The following ARPP21 variants were observed in gnomAD, a reference collection of about 807,000 sequenced individuals.
ARPP21 encodes cAMP-regulated phosphoprotein 21.
Under a neutral mutation model 113.2 loss-of-function variants are expected in ARPP21, and 69 were observed. The ratio of observed to expected loss-of-function variants is 0.61; its 90% CI spans 0.50 to 0.74. The LOEUF is 0.74. ARPP21 is among the 30% of genes least tolerant of loss of function. The probability of loss-of-function intolerance (pLI) is 0.00; values close to 1 mark genes in which losing one functional copy is unlikely to be tolerated. For synonymous variants in ARPP21, 368 were observed against 375.5 expected (o/e 0.98, Z 0.23); for missense variants, 1,070 against 1,037.4 (o/e 1.03, Z -0.43).
intron 1 of ARPP21, among the ~76,000 whole-genome samples, chr3:35,675,129 C>A (rs887455868): frequency 2.0e-5 from 3 of 147,522 alleles, no homozygotes; most frequent in African/African-American, 5.3e-5. Flanking sequence ...CTTTGCAGCT[C>A]TGTGGTTTTC....
rs1219879254 is a variant in ARPP21 at position 35,738,266 on chromosome 3, C to G, written c.1697C>G (p.Ser566Cys). 8 of 1,536,102 alleles carry G rather than the reference C, an allele frequency of 5.2e-6. 1 individual carries two copies. The Admixed American group carries it at 1.2e-4, about 23-fold the overall frequency. The change falls in exon 17 of 21, where the codon TCT becomes TGT. Residue 566 changes from serine (S) to cysteine (C), a missense_variant. Coordinates refer to ENST00000684406, the MANE Select transcript of ARPP21 (RefSeq NM_001385562.1). ...SSQSVQYPAV[S>C]FPPQHLLPVS... ...CAGTCAGTGCAATATCCAGCAGTCT[C>G]TTTTCCTCCCCAGCACCTCCTACCT...
At chr3:35,714,489 A>G (rs1448291451) in intron 11 of ARPP21, among the ~76,000 whole-genome samples, 1 of 152,196 alleles carries the variant, frequency 6.6e-6, no homozygotes, top group East Asian at 1.9e-4. Context: ...TTATTCCTGT[A>G]ACAAGTCATT....
intron 13 of ARPP21, among the ~76,000 whole-genome samples, chr3:35,719,319 C>T (rs1266901105): frequency 6.6e-6 from 1 of 152,132 alleles, no homozygotes; most frequent in Non-Finnish European, 1.5e-5. Flanking sequence ...ATTTTTGAAT[C>T]TCATTAATGC....
chr3:35,650,049 T>C (rs1701798069), intron 1 of ARPP21: 1 of 152,130 alleles, frequency 6.6e-6, no homozygotes, highest in African/African-American at 2.4e-5. Context: ...CAAAACCTTA[T>C]ACCTTAACTT....
intron 1 of ARPP21, among the ~76,000 whole-genome samples, chr3:35,644,588 C>T (rs912686990): frequency 6.6e-6 from 1 of 151,870 alleles, no homozygotes; most frequent in Non-Finnish European, 1.5e-5. Context: ...TCTAAACTTA[C>T]CGAGACATAT....
intron 1 of ARPP21, among the ~76,000 whole-genome samples, chr3:35,656,464 G>A (rs998686478): frequency 1.3e-5 from 2 of 152,052 alleles, no homozygotes; most frequent in African/African-American, 4.8e-5. Flanking sequence ...TCCATAGAGT[G>A]GAATATTGCT....
At chr3:35,726,477 A>G (rs1275072129) in intron 14 of ARPP21, among the ~76,000 whole-genome samples, 1 of 152,174 alleles carries the variant, frequency 6.6e-6, no homozygotes, top group Non-Finnish European at 1.5e-5. Flanking sequence ...CTTTATTTTC[A>G]TCTTTGCATG....
Position 35,664,682 on chromosome 3 carries a change from G to T in ARPP21, c.-212-15105G>T, listed in dbSNP as rs1216780521. 2.6e-5 allele frequency among the ~76,000 whole-genome samples: 4 copies of T among 152,274 alleles called. No individual in the cohort carries two copies. The South Asian group carries it at 8.3e-4, about 32-fold the overall frequency. ...GTTGTTTGGCTCCGGAGCAGGTGGC[G>T]GCGGGGGCTGTGGCGGTTGCGTTTC... On this transcript the variant is annotated intron_variant, in intron 1 of 20. Transcript: ENST00000684406.
intron 19 of ARPP21, among the ~76,000 whole-genome samples, chr3:35,785,503 C>T (rs536748479): frequency 1.5e-5 from 2 of 134,508 alleles, no homozygotes; most frequent in East Asian, 3.9e-4. Context: ...CATGTTTGCC[C>T]TGATTTAAAG....
intron 13 of ARPP21, among the ~76,000 whole-genome samples, chr3:35,719,864 C>A (rs912485993): frequency 7.9e-5 from 12 of 152,088 alleles, no homozygotes; most frequent in African/African-American, 2.7e-4. Flanking sequence ...TTTTGCTAGA[C>A]TTTGTAAAAC....
intron 12 of ARPP21, among the ~76,000 whole-genome samples, chr3:35,716,475 A>C (rs1405051085): frequency 2.0e-5 from 3 of 152,066 alleles, no homozygotes; most frequent in Non-Finnish European, 4.4e-5. Flanking sequence ...TAAACCCCTT[A>C]ATAGAATAAC....
chr3:35,694,134 G>T (rs1215733527), intron 9 of ARPP21, among the ~76,000 whole-genome samples: 2 of 151,534 alleles, frequency 1.3e-5, no homozygotes, highest in African/African-American at 4.8e-5. Context: ...TGATAGGCAG[G>T]TTAAGTAACT....
chr3:35,771,878 T>C (rs1017115155), intron 19 of ARPP21, among the ~76,000 whole-genome samples: 1 of 152,228 alleles, frequency 6.6e-6, no homozygotes, highest in Non-Finnish European at 1.5e-5. Context: ...CTTTGGACTA[T>C]ATTATGTTCA....
intron 19 of ARPP21, among the ~76,000 whole-genome samples, chr3:35,784,231 A>C (rs968551608): frequency 6.6e-6 from 1 of 152,252 alleles, no homozygotes; most frequent in Non-Finnish European, 1.5e-5. Context: ...CATGAACTGA[A>C]AATATGATTG....
intron 19 of ARPP21, among the ~76,000 whole-genome samples, chr3:35,747,750 T>G (rs2095160327): frequency 6.6e-6 from 1 of 152,000 alleles, no homozygotes; most frequent in Non-Finnish European, 1.5e-5. Flanking sequence ...GATTTCCTAT[T>G]TAATCAATAG....
intron 1 of ARPP21, among the ~76,000 whole-genome samples, chr3:35,675,810 T>C (rs2077344007): frequency 6.6e-6 from 1 of 151,266 alleles, no homozygotes; most frequent in African/African-American, 2.4e-5. Flanking sequence ...ATGATGATGA[T>C]GATGATGATG....
At chr3:35,709,190 A>T (rs748643673) in intron 11 of ARPP21, 120 bp downstream of exon 11, 1 of 675,952 alleles carries the variant, frequency 1.5e-6, no homozygotes, top group East Asian at 2.7e-5. Context: ...AACAAATCAA[A>T]CTGAAGAAAA....
intron 9 of ARPP21, among the ~76,000 whole-genome samples, chr3:35,699,084 CTGTG>C (rs368722284): frequency 6.6e-6 from 1 of 151,108 alleles, no homozygotes; most frequent in Admixed American, 6.6e-5. Context: ...TTGATCAAGA[CTGTG>C]TGTGTGTGTA....
chr3:35,784,010 C>T (rs2096580215), intron 19 of ARPP21, among the ~76,000 whole-genome samples: 1 of 152,122 alleles, frequency 6.6e-6, no homozygotes, highest in South Asian at 2.1e-4. Flanking sequence ...TCTCATATCC[C>T]TACACACAAT....
Sources: allele counts gnomAD v4.1 joint callset (sites outside exome capture counted in the v4.1 genomes callset), GRCh38; gene constraint gnomAD v4.1.1; transcripts MANE v1.5; gene names NCBI Gene and HGNC (gene_info 2026-07-23, HGNC 2026-07-21).